The following HEATR5B variants were observed in gnomAD, a reference collection of about 807,000 sequenced individuals.
HEATR5B encodes HEAT repeat containing 5B.
Under a neutral mutation model 224.1 loss-of-function variants are expected in HEATR5B, and 156 were observed. The ratio of observed to expected loss-of-function variants is 0.70; its 90% CI spans 0.61 to 0.80. HEATR5B has a LOEUF of 0.80. Among genes scored for constraint, HEATR5B ranks in the 30% least tolerant of loss-of-function variants. The probability of loss-of-function intolerance (pLI) is 0.00; values close to 1 mark genes in which losing one functional copy is unlikely to be tolerated. For missense variants in HEATR5B, 2,323 were observed against 2,535.5 expected, an observed-to-expected ratio of 0.92 and a Z score of 1.80; for synonymous variants, 1,027 against 893.0, an observed-to-expected ratio of 1.15 and a Z score of -2.68.
intron 18 of HEATR5B, among the ~76,000 whole-genome samples, chr2:37,048,287 C>T (rs747121528): frequency 2.8e-4 from 42 of 151,686 alleles, no homozygotes; most frequent in Middle Eastern, 3.4e-3. Flanking sequence ...CAGGCTCAAG[C>T]GATCCTCCCA....
chr2:37,026,381 T>C (rs899173850), intron 24 of HEATR5B, among the ~76,000 whole-genome samples: 2 of 152,230 alleles, frequency 1.3e-5, no homozygotes, highest in African/African-American at 4.8e-5. Context: ...TAAACCAAGT[T>C]TGTGGGCATT....
At chr2:36,991,526 T>G (rs538504231) in intron 33 of HEATR5B, among the ~76,000 whole-genome samples, 56 of 151,784 alleles carry the variant, frequency 3.7e-4, no homozygotes, top group Middle Eastern at 6.9e-3. Flanking sequence ...TTGGACAATT[T>G]CCTGAAGACA....
chr2:37,036,602 C>T (rs1053666050), intron 21 of HEATR5B, among the ~76,000 whole-genome samples: 2 of 152,020 alleles, frequency 1.3e-5, no homozygotes, highest in Non-Finnish European at 2.9e-5. Flanking sequence ...ACCTCCACCT[C>T]CCGGGTTCAA....
At chr2:37,044,260 G>C (rs1302202684) in intron 18 of HEATR5B, among the ~76,000 whole-genome samples, 1 of 152,216 alleles carries the variant, frequency 6.6e-6, no homozygotes, top group African/African-American at 2.4e-5. Flanking sequence ...GTTGCCTTAG[G>C]TCCCTTTGTT....
rs1361427160 is a variant in HEATR5B at position 37,002,519 on chromosome 2, T to C, written c.5104A>G (p.Ser1702Gly). The C allele has an allele frequency of 3.1e-6, 5 of 1,614,216 alleles. No individual in the cohort carries two copies. The highest frequency in any genetic ancestry group is 1.6e-4 in the Middle Eastern group (1 of 6,062). The change falls in exon 32 of 36, where the codon AGC becomes GGC. Residue 1702 changes from serine to glycine, a missense_variant. Ser to Gly is a moderately conservative substitution (Grantham distance 56, BLOSUM62 0). Transcript: ENST00000233099. ...GATTTTCCAGGAATGAGACCACCGC[T>C]GTCACCTCCTTCTCCCAATACGGTA... ...ACTVLGEGGD[S>G]GGLIPGKSLV...
chr2:37,072,173 C>CTCT lies in HEATR5B; in HGVS notation c.705_706insAGA (p.Arg235dup). ...GTTCCTAAAAGTTTAGACACTGCCA[C>CTCT]TCGTACCCCATAATTTGAGTTTTCC... On this transcript the variant is annotated inframe_insertion, in exon 6 of 36. Transcript: ENST00000233099. 2 of 1,614,060 alleles carry CTCT rather than the reference C, an allele frequency of 1.2e-6. No individual in the cohort carries two copies. The highest frequency in any genetic ancestry group is 4.5e-5 in the East Asian group (2 of 44,884).
chr2:37,037,392 C>G (rs1019255863), intron 21 of HEATR5B, among the ~76,000 whole-genome samples: 5 of 151,774 alleles, frequency 3.3e-5, no homozygotes, highest in Non-Finnish European at 5.9e-5. Flanking sequence ...ATCTGCCCAC[C>G]TTAGCCTCCC....
At chr2:37,080,662 A>G (rs1401684175) in intron 2 of HEATR5B, among the ~76,000 whole-genome samples, 2 of 152,168 alleles carry the variant, frequency 1.3e-5, no homozygotes, top group East Asian at 3.9e-4. Flanking sequence ...TAACTCTGAG[A>G]TGCCACTTAG....
chr2:36,991,170 C>T (rs1666300317), intron 33 of HEATR5B, among the ~76,000 whole-genome samples: 1 of 152,126 alleles, frequency 6.6e-6, no homozygotes, highest in Non-Finnish European at 1.5e-5. Context: ...ATCCAGAGTA[C>T]ATTTTTAAGT....
intron 21 of HEATR5B, among the ~76,000 whole-genome samples, chr2:37,036,803 C>A (rs1175066688): frequency 6.6e-6 from 1 of 152,090 alleles, no homozygotes; most frequent in Non-Finnish European, 1.5e-5. Flanking sequence ...TGACCCACTG[C>A]GCCTGGCCTT....
In HEATR5B at chr2:37,051,291, A is replaced by G. The variant is rs111752016; in HGVS notation, c.2506-1448T>C. Among the ~76,000 whole-genome samples, 374 of 136,628 alleles carry G rather than the reference A, an allele frequency of 2.7e-3. 2 individuals carry two copies. Among genetic ancestry groups the G allele is most frequent in the Non-Finnish European group, 4.6e-3 (295 of 63,836 alleles). 89.6% of individuals were successfully genotyped at this position (136,628 alleles called of 152,430 possible). A position where few individuals can be genotyped will look rare whatever the true frequency, so the allele number is the denominator to read the frequency against. On this transcript the variant is annotated intron_variant, in intron 17 of 35. Transcript: ENST00000233099. ...GAATCGCTTGAACCTGGGAGGTGGA[A>G]GTTGCAGTGAGCTGAGATCACGCCA...
chr2:37,029,692 G>A (rs562201741), intron 22 of HEATR5B, among the ~76,000 whole-genome samples: 59 of 151,920 alleles, frequency 3.9e-4, no homozygotes, highest in Middle Eastern at 6.8e-3. Flanking sequence ...TGTAATCCCA[G>A]CACATTGGGG....
At chr2:37,020,223 G>A (rs1364799447) in intron 25 of HEATR5B, among the ~76,000 whole-genome samples, 1 of 152,056 alleles carries the variant, frequency 6.6e-6, no homozygotes, top group Non-Finnish European at 1.5e-5. Flanking sequence ...ACCTTTAACT[G>A]TTGTTATTAA....
At chr2:36,988,406 G>A (rs1007257961) in intron 35 of HEATR5B, among the ~76,000 whole-genome samples, 1 of 151,986 alleles carries the variant, frequency 6.6e-6, no homozygotes, top group Non-Finnish European at 1.5e-5. Context: ...GGGACAGCAG[G>A]TGTGCGCCAC....
chr2:37,067,343 A>C (rs1671648464), intron 8 of HEATR5B, among the ~76,000 whole-genome samples: 1 of 152,220 alleles, frequency 6.6e-6, no homozygotes, highest in South Asian at 2.1e-4. Context: ...TCAATGAATC[A>C]ATGTGCAAAT....
rs141812852 is a variant in HEATR5B at position 37,053,554 on chromosome 2, C to T, written c.2453G>A (p.Arg818His). The T allele has an allele frequency of 5.8e-5, 93 of 1,609,708 alleles. No individual in the cohort carries two copies. In the African/African-American group the frequency reaches 9.5e-4, roughly 16 times the overall value. ...TATGTTAAGCTGCACAGCCTGCTGG[C>T]GGACACCTTTAGCTTGTTTAACACA... ...AECVKQAKGV[R>H]QQAVQLNIFT... Residue 818 changes from arginine to histidine, a missense_variant, in exon 17 of 36, where the codon CGC becomes CAC. Transcript: ENST00000233099.
At chr2:36,981,940 A>G in intron 35 of HEATR5B, 146 bp from the exon 36 acceptor site, 1 of 458,996 alleles carries the variant, frequency 2.2e-6, no homozygotes, top group South Asian at 6.3e-5. Context: ...ACTCGTAATT[A>G]ATATTAAATA....
intron 18 of HEATR5B, among the ~76,000 whole-genome samples, chr2:37,041,563 T>A (rs1331850961): frequency 6.6e-6 from 1 of 152,036 alleles, no homozygotes; most frequent in East Asian, 1.9e-4. Flanking sequence ...CTGGCTAACA[T>A]GGCAAAATCC....
chr2:37,071,974 G>A (rs571397514), intron 6 of HEATR5B, 136 bp downstream of exon 6: 27 of 633,818 alleles, frequency 4.3e-5, no homozygotes, highest in Non-Finnish European at 5.6e-5. Context: ...ATGAGTCACC[G>A]CGCCCAGCCA....
Sources: allele counts gnomAD v4.1 joint callset (sites outside exome capture counted in the v4.1 genomes callset), GRCh38; gene constraint gnomAD v4.1.1; transcripts MANE v1.5; gene names NCBI Gene and HGNC (gene_info 2026-07-23, HGNC 2026-07-21).